The following RAB3GAP2 variants were observed in gnomAD, a reference collection of about 807,000 sequenced individuals.
RAB3GAP2 encodes rab3 GTPase-activating protein non-catalytic subunit.
A neutral mutation model predicts 185.3 loss-of-function variants in RAB3GAP2; 87 were observed. The ratio of observed to expected loss-of-function variants is 0.47; its 90% CI spans 0.39 to 0.56. The LOEUF (loss-of-function observed/expected upper bound fraction) is 0.56. RAB3GAP2 is among the 20% of genes least tolerant of loss of function. The pLI, the probability that RAB3GAP2 is intolerant of heterozygous loss-of-function variation, is 0.00. For synonymous variants in RAB3GAP2, 554 were observed against 576.1 expected (o/e 0.96, Z 0.55); for missense variants, 1,492 against 1,638.2 (o/e 0.91, Z 1.54).
intron 1 of RAB3GAP2, among the ~76,000 whole-genome samples, chr1:220,255,130 C>T: frequency 6.6e-6 from 1 of 151,442 alleles, no homozygotes; most frequent in East Asian, 1.9e-4. Context: ...CACTGTGTAG[C>T]TAGTTTTCTG....
At chr1:220,152,360 A>G (rs1657773633) in intron 33 of RAB3GAP2, among the ~76,000 whole-genome samples, 1 of 152,050 alleles carries the variant, frequency 6.6e-6, no homozygotes, top group Non-Finnish European at 1.5e-5. Flanking sequence ...TACAGGCGTG[A>G]GCCACCACGC....
rs768194231 is a variant in RAB3GAP2 at position 220,185,744 on chromosome 1, A to G, written c.1780-3T>C. 1 of 1,605,972 alleles carries G rather than the reference A, an allele frequency of 6.2e-7. No homozygotes were observed. The highest frequency in any genetic ancestry group is 2.2e-5 in the East Asian group (1 of 44,712). ...CTTGCCAAAATGCTTTCCAAAGCCT[A>G]GGAGAAAGATATTGAACAGTTCTAG... is the stretch of plus-strand genomic sequence containing the variant. On this transcript the variant is annotated splice_polypyrimidine_tract_variant and splice_region_variant and intron_variant, in intron 17 of 34. Transcript: ENST00000358951.
In RAB3GAP2 at chr1:220,182,879, G is replaced by T. The variant is rs746414664; in HGVS notation, c.2051C>A (p.Ala684Glu). Residue 684 changes from alanine to glutamate, a missense_variant, in exon 20 of 35, where the codon GCA becomes GAA. This residue lies in a region of RAB3GAP2 where 681 missense variants were observed against 689.1 expected (regional missense o/e 0.99). Coordinates refer to ENST00000358951, the MANE Select transcript of RAB3GAP2 (RefSeq NM_012414.4). ...LDEKELLKLQ[A>E]LLEKYKQENT... ...CTCTTGCTTATATTTCTCTAGTAAT[G>T]CCTGGAGCTTAAGCAGTTCTTTTTC... The T allele has an allele frequency of 3.1e-6, 5 of 1,613,334 alleles. No homozygotes were observed. The highest frequency in any genetic ancestry group is 4.5e-5 in the East Asian group (2 of 44,776).
intron 2 of RAB3GAP2, among the ~76,000 whole-genome samples, chr1:220,223,085 C>G (rs2102886915): frequency 6.6e-6 from 1 of 152,258 alleles, no homozygotes; most frequent in South Asian, 2.1e-4. Flanking sequence ...CTCTGACGCC[C>G]AGGCTGGAGT....
chr1:220,267,585 T>C, intron 1 of RAB3GAP2: 1 of 1,367,068 alleles, frequency 7.3e-7, no homozygotes, highest in Non-Finnish European at 1.0e-6. Context: ...CAGTTCCTCC[T>C]CAGGATTATT....
At position 220,212,971 on chromosome 1, in the gene RAB3GAP2, G is replaced by C. The variant is rs1051387865; in HGVS notation, c.305-3C>G. 1 of 1,601,216 alleles carries C rather than the reference G, an allele frequency of 6.2e-7. No homozygotes were observed. The highest frequency in any genetic ancestry group is 8.5e-7 in the Non-Finnish European group (1 of 1,169,704). Reference sequence around the variant, plus strand: ...TTTATCACTATATTTCCATTTTGCTGTAAGAATTAAGATATCATATAAAAT... The same window carrying C: ...TTTATCACTATATTTCCATTTTGCTCTAAGAATTAAGATATCATATAAAAT... On this transcript the variant is annotated splice_region_variant and splice_polypyrimidine_tract_variant and intron_variant, in intron 3 of 34. Transcript: ENST00000358951.
At chr1:220,184,190 T>C (rs1321023056) in intron 18 of RAB3GAP2, 27 bp from the exon 19 acceptor site, 4 of 1,580,798 alleles carry the variant, frequency 2.5e-6, no homozygotes, top group African/African-American at 1.3e-5. Context: ...AAAGTATATA[T>C]AAGAGATATA....
chr1:220,165,275 G>A (rs1479703251), intron 26 of RAB3GAP2, among the ~76,000 whole-genome samples: 1 of 148,950 alleles, frequency 6.7e-6, no homozygotes. Flanking sequence ...TTCTAGTGAG[G>A]GACCTATATA....
chr1:220,266,179 G>A (rs981992307), intron 1 of RAB3GAP2: 1 of 174,138 alleles, frequency 5.7e-6, no homozygotes, highest in Non-Finnish European at 1.2e-5. Context: ...TATATCTCTA[G>A]CAGCTGTCCA....
At chr1:220,153,052 T>C in intron 33 of RAB3GAP2, 133 bp downstream of exon 33, 1 of 724,752 alleles carries the variant, frequency 1.4e-6, no homozygotes, top group East Asian at 2.7e-5. Context: ...AATATTCTAT[T>C]GTTCTATTTT....
intron 8 of RAB3GAP2, among the ~76,000 whole-genome samples, chr1:220,203,527 C>T (rs1645082336): frequency 6.6e-6 from 1 of 152,106 alleles, no homozygotes; most frequent in Admixed American, 6.6e-5. Flanking sequence ...TGGCTTAATT[C>T]CTTACTTCCC....
intron 24 of RAB3GAP2, among the ~76,000 whole-genome samples, chr1:220,170,185 G>C (rs1571880329): frequency 6.6e-6 from 1 of 152,070 alleles, no homozygotes; most frequent in Non-Finnish European, 1.5e-5. Flanking sequence ...ACCAAACACC[G>C]CATGTTCTCA....
intron 24 of RAB3GAP2, among the ~76,000 whole-genome samples, chr1:220,170,317 G>A (rs763526612): frequency 2.6e-5 from 4 of 152,054 alleles, no homozygotes; most frequent in East Asian, 1.9e-4. Context: ...ACCTAATGTC[G>A]ATGATGGGTT....
At chr1:220,168,880 T>C (rs1658122352) in intron 24 of RAB3GAP2, among the ~76,000 whole-genome samples, 2 of 152,234 alleles carry the variant, frequency 1.3e-5, no homozygotes, top group Admixed American at 6.5e-5. Flanking sequence ...CAAATTATAC[T>C]CTATTGTTTA....
At chr1:220,262,191 C>T (rs2102533068) in intron 1 of RAB3GAP2, among the ~76,000 whole-genome samples, 1 of 151,488 alleles carries the variant, frequency 6.6e-6, no homozygotes, top group Non-Finnish European at 1.5e-5. Context: ...GTCCCAGCTA[C>T]TCGAGAGGCT....
intron 1 of RAB3GAP2, among the ~76,000 whole-genome samples, chr1:220,260,324 G>A (rs1473020452): frequency 6.6e-6 from 1 of 152,000 alleles, no homozygotes; most frequent in East Asian, 1.9e-4. Flanking sequence ...CAATACAATA[G>A]TAAAGACACA....
At chr1:220,164,874 C>A in intron 26 of RAB3GAP2, 75 bp from the exon 27 acceptor site, 1 of 1,387,266 alleles carries the variant, frequency 7.2e-7, no homozygotes, top group African/African-American at 1.4e-5. Flanking sequence ...TCAATGGAGA[C>A]TTCTTACATA....
chr1:220,161,076 C>T (rs1400317462), intron 28 of RAB3GAP2, among the ~76,000 whole-genome samples: 3 of 152,228 alleles, frequency 2.0e-5, no homozygotes, highest in Middle Eastern at 3.4e-3. Context: ...TTACATTTTA[C>T]TGTTATTCTC....
intron 7 of RAB3GAP2, among the ~76,000 whole-genome samples, chr1:220,208,512 G>A (rs988846797): frequency 5.3e-5 from 8 of 152,098 alleles, no homozygotes; most frequent in Non-Finnish European, 7.4e-5. Context: ...CATGATATCA[G>A]TAACTTGATT....
Sources: allele counts gnomAD v4.1 joint callset (sites outside exome capture counted in the v4.1 genomes callset), GRCh38; gene constraint gnomAD v4.1.1; regional missense constraint gnomAD v4.1.1; transcripts MANE v1.5; gene names NCBI Gene and HGNC (gene_info 2026-07-23, HGNC 2026-07-21).